The following RORA variants were observed in gnomAD, a reference collection of about 807,000 sequenced individuals.
RORA encodes nuclear receptor ROR-alpha.
A neutral mutation model predicts 69.5 loss-of-function variants in RORA; 7 were observed. The ratio of observed to expected loss-of-function variants is 0.10; its 90% CI spans 0.06 to 0.19. The LOEUF (loss-of-function observed/expected upper bound fraction) is 0.19. RORA is among the 10% of genes least tolerant of loss of function. The pLI, the probability that RORA is intolerant of heterozygous loss-of-function variation, is 1.00. For missense variants in RORA, 457 were observed against 663.0 expected, an observed-to-expected ratio of 0.69 and a Z score of 3.41; for synonymous variants, 261 against 240.8, an observed-to-expected ratio of 1.08 and a Z score of -0.78.
chr15:60,917,602 C>T (rs373745696), intron 1 of RORA, among the ~76,000 whole-genome samples: 4 of 152,300 alleles, frequency 2.6e-5, no homozygotes, highest in Admixed American at 1.3e-4. Context: ...AGTAGGGAAA[C>T]GTCGGCCGAG....
chr15:60,523,372 A>G (rs957483547), intron 3 of RORA, among the ~76,000 whole-genome samples: 6 of 152,246 alleles, frequency 3.9e-5, no homozygotes, highest in African/African-American at 1.4e-4. Context: ...GAGAGCATTC[A>G]GTGAGAATCA....
intron 1 of RORA, among the ~76,000 whole-genome samples, chr15:60,868,313 T>C (rs2073512497): frequency 6.6e-6 from 1 of 152,210 alleles, no homozygotes. Context: ...TTTCTTTAAC[T>C]GGAAAATGGC....
intron 2 of RORA, among the ~76,000 whole-genome samples, chr15:60,628,728 C>T (rs1429608083): frequency 6.6e-6 from 1 of 152,106 alleles, no homozygotes; most frequent in Non-Finnish European, 1.5e-5. Flanking sequence ...GACTGATGCC[C>T]TTGGAGAGGT....
intron 1 of RORA, among the ~76,000 whole-genome samples, chr15:60,886,599 T>C (rs1342124566): frequency 6.6e-6 from 1 of 152,198 alleles, no homozygotes; most frequent in Non-Finnish European, 1.5e-5. Context: ...GCAAAATATG[T>C]CAACCCATTT....
At chr15:60,690,467 A>G (rs1422085199) in intron 1 of RORA, among the ~76,000 whole-genome samples, 1 of 152,228 alleles carries the variant, frequency 6.6e-6, no homozygotes, top group Non-Finnish European at 1.5e-5. Context: ...GCACCCAGAC[A>G]GGACCTGTGA....
chr15:60,946,731 C>A (rs573599870), intron 1 of RORA, among the ~76,000 whole-genome samples: 49 of 151,602 alleles, frequency 3.2e-4, no homozygotes, highest in African/African-American at 1.1e-3. Context: ...GGCTGCCCAT[C>A]GTCTGGGATG....
At chr15:60,860,267 C>T (rs1342003388) in intron 1 of RORA, among the ~76,000 whole-genome samples, 2 of 152,144 alleles carry the variant, frequency 1.3e-5, no homozygotes, top group African/African-American at 4.8e-5. Context: ...TATAGTTTAC[C>T]ATACCACCCA....
At chr15:60,659,488 TC>T (rs1229985673) in intron 2 of RORA, among the ~76,000 whole-genome samples, 1 of 152,226 alleles carries the variant, frequency 6.6e-6, no homozygotes, top group Non-Finnish European at 1.5e-5. Flanking sequence ...TTGCACCTTT[TC>T]GCTACCTGAA....
chr15:60,763,590 T>TA lies in RORA; in HGVS notation c.167-84905dup, dbSNP rs1281363603. ...AAGGAGCCCCAACTGTCACCAATCATACGGATCCCCATGTGGGACACACTT... is the reference window on the plus strand; with the variant it reads ...AAGGAGCCCCAACTGTCACCAATCATAACGGATCCCCATGTGGGACACACTT... On this transcript the variant is annotated intron_variant, in intron 1 of 10. Coordinates refer to ENST00000335670, the MANE Select transcript of RORA (RefSeq NM_134261.3). Among the ~76,000 whole-genome samples the TA allele has an allele frequency of 2.6e-5, 4 of 152,192 alleles. No homozygotes were observed. In the East Asian group the frequency reaches 7.7e-4, roughly 29 times the overall value.
At chr15:60,659,008 G>A (rs2070263948) in intron 2 of RORA, among the ~76,000 whole-genome samples, 2 of 152,154 alleles carry the variant, frequency 1.3e-5, no homozygotes, top group African/African-American at 2.4e-5. Flanking sequence ...GTGTAAGCCC[G>A]AGGAGGAGGA....
chr15:60,558,121 T>A (rs4774369), intron 2 of RORA: 9 of 706,692 alleles, frequency 1.3e-5, no homozygotes, highest in East Asian at 1.1e-4. Flanking sequence ...TCTAGAAGTA[T>A]GCCCAGTGCC....
chr15:60,938,678 T>A (rs7183229), intron 1 of RORA, among the ~76,000 whole-genome samples: 23,612 of 152,148 alleles, frequency 0.16, 1,951 homozygotes, highest in Admixed American at 0.2. Flanking sequence ...GGCAAGAAGG[T>A]TTGCTTGAGG....
intron 2 of RORA, among the ~76,000 whole-genome samples, chr15:60,576,258 T>C (rs1000240352): frequency 6.6e-6 from 1 of 152,190 alleles, no homozygotes; most frequent in Admixed American, 6.5e-5. Context: ...CGTATCCCAG[T>C]GTTCTGAGAC....
chr15:60,984,957 G>C (rs1370287020), intron 1 of RORA, among the ~76,000 whole-genome samples: 1 of 151,226 alleles, frequency 6.6e-6, no homozygotes, highest in Non-Finnish European at 1.5e-5. Flanking sequence ...TATGCTGTTT[G>C]GTTTGGGAAA....
chr15:61,064,145 T>C (rs1221992692), intron 1 of RORA, among the ~76,000 whole-genome samples: 1 of 152,192 alleles, frequency 6.6e-6, no homozygotes, highest in Non-Finnish European at 1.5e-5. Flanking sequence ...TCAGGCCTAT[T>C]GCCCACATTA....
At chr15:60,815,731 T>G (rs893720368) in intron 1 of RORA, among the ~76,000 whole-genome samples, 2 of 151,092 alleles carry the variant, frequency 1.3e-5, no homozygotes, top group Non-Finnish European at 2.9e-5. Context: ...CCCCGAGGTG[T>G]GCAGAGCCCT....
At chr15:60,611,720 C>T (rs1353204145) in intron 2 of RORA, among the ~76,000 whole-genome samples, 4 of 151,990 alleles carry the variant, frequency 2.6e-5, no homozygotes, top group Admixed American at 6.6e-5. Context: ...TTTGGGAAAC[C>T]TGATGGAGAG....
intron 1 of RORA, among the ~76,000 whole-genome samples, chr15:60,951,154 T>C (rs771877338): frequency 3.9e-5 from 6 of 152,118 alleles, no homozygotes; most frequent in Admixed American, 3.9e-4. Flanking sequence ...ACTGCTCAAC[T>C]ACATGGAAAC....
At chr15:60,990,400 A>G (rs1348379593) in intron 1 of RORA, among the ~76,000 whole-genome samples, 1 of 152,228 alleles carries the variant, frequency 6.6e-6, no homozygotes, top group Non-Finnish European at 1.5e-5. Context: ...AAAAATGAGT[A>G]AATTTCCTAC....
Sources: allele counts gnomAD v4.1 joint callset (sites outside exome capture counted in the v4.1 genomes callset), GRCh38; gene constraint gnomAD v4.1.1; transcripts MANE v1.5; gene names NCBI Gene and HGNC (gene_info 2026-07-23, HGNC 2026-07-21).